Variants in PAK3 observed in about 807,000 individuals in gnomAD.
PAK3 encodes p21 (RAC1) activated kinase 3.
A neutral mutation model predicts 41.0 loss-of-function variants in PAK3; 4 were observed. That is an observed-to-expected ratio of 0.10 (90% CI 0.05 to 0.22). The LOEUF (loss-of-function observed/expected upper bound fraction) is 0.22. PAK3 is among the 10% of genes least tolerant of loss of function. The pLI is 1.00. For missense variants in PAK3, 205 were observed against 409.9 expected (o/e 0.50, Z 4.32); for synonymous variants, 146 against 139.6 (o/e 1.05, Z -0.32).
chrX:110,958,503 T>C (rs2090912264), intron 1 of PAK3, among the ~76,000 whole-genome samples: 1 of 111,122 alleles, frequency 9.0e-6, no homozygotes, highest in African/African-American at 3.3e-5. Context: ...GGAGGGCAAA[T>C]GCAGCATGTG....
intron 1 of PAK3, among the ~76,000 whole-genome samples, chrX:110,996,130 G>A (rs1019737784): frequency 8.9e-6 from 1 of 112,046 alleles, no homozygotes; most frequent in East Asian, 2.8e-4. Flanking sequence ...TTCTGAGAAT[G>A]GAACTCAGCT....
chrX:111,081,004 C>A (rs2092830096), intron 1 of PAK3, among the ~76,000 whole-genome samples: 1 of 111,499 alleles, frequency 9.0e-6, no homozygotes, highest in Admixed American at 9.5e-5. Context: ...GCTACATGAT[C>A]TCACTTATAT....
chrX:111,181,014 G>A (rs2094456444), intron 11 of PAK3, among the ~76,000 whole-genome samples: 1 of 111,639 alleles, frequency 9.0e-6, no homozygotes, highest in Non-Finnish European at 1.9e-5. Context: ...CATCAATAAT[G>A]TATGAGAGTG....
intron 1 of PAK3, among the ~76,000 whole-genome samples, chrX:110,991,883 A>G (rs776993137): frequency 8.9e-6 from 1 of 112,135 alleles, no homozygotes; most frequent in Admixed American, 9.5e-5. Context: ...ATGACAAGAA[A>G]AAAAAACACA....
At chrX:111,099,619 A>G (rs1245089362) in intron 3 of PAK3, among the ~76,000 whole-genome samples, 5 of 106,881 alleles carry the variant, frequency 4.7e-5, no homozygotes, top group Non-Finnish European at 9.7e-5. Flanking sequence ...GAATTTGGAG[A>G]GTGAAGTTTT....
At chrX:111,176,698 G>C (rs906302928) in intron 11 of PAK3, among the ~76,000 whole-genome samples, 8 of 109,155 alleles carry the variant, frequency 7.3e-5, no homozygotes, top group African/African-American at 2.7e-4. Flanking sequence ...TTATTCTCTG[G>C]GTATTTGTGT....
intron 1 of PAK3, among the ~76,000 whole-genome samples, chrX:111,004,128 T>C (rs2091888725): frequency 8.9e-6 from 1 of 112,332 alleles, no homozygotes; most frequent in Non-Finnish European, 1.9e-5. Context: ...AGGAAATTTG[T>C]TTGGAGCACT....
chrX:111,139,672 C>T (rs908863235), intron 5 of PAK3, among the ~76,000 whole-genome samples: 1 of 112,002 alleles, frequency 8.9e-6, no homozygotes, highest in Non-Finnish European at 1.9e-5. Flanking sequence ...AGTCTGGTGG[C>T]CTTCTAGGAA....
intron 16 of PAK3, among the ~76,000 whole-genome samples, chrX:111,208,888 C>T (rs2094786298): frequency 9.0e-6 from 1 of 110,713 alleles, no homozygotes; most frequent in Non-Finnish European, 1.9e-5. Flanking sequence ...ATGTTGGTAT[C>T]TAAAGGGGTT....
chrX:111,054,064 T>G (rs143033716), intron 1 of PAK3, among the ~76,000 whole-genome samples: 1 of 111,825 alleles, frequency 8.9e-6, no homozygotes, highest in Non-Finnish European at 1.9e-5. Context: ...GAGCTCTCAG[T>G]GGACTCTCCA....
chrX:111,023,788 T>C (rs2092228654), intron 1 of PAK3, among the ~76,000 whole-genome samples: 1 of 112,148 alleles, frequency 8.9e-6, no homozygotes, highest in Non-Finnish European at 1.9e-5. Context: ...AGATTCTGGA[T>C]ATTAGCCCTT....
At chrX:110,994,019 C>T (rs762748163) in intron 1 of PAK3, among the ~76,000 whole-genome samples, 1 of 112,210 alleles carries the variant, frequency 8.9e-6, no homozygotes, top group Non-Finnish European at 1.9e-5. Context: ...ACAGTTTTAG[C>T]TCCTTCTTTT....
chrX:111,014,155 C>G (rs1489003086), intron 1 of PAK3, among the ~76,000 whole-genome samples: 2 of 111,970 alleles, frequency 1.8e-5, no homozygotes, highest in Non-Finnish European at 3.8e-5. Context: ...ATCTTTTCCT[C>G]CAGTCTACAC....
intron 1 of PAK3, among the ~76,000 whole-genome samples, chrX:110,982,571 C>T (rs370048189): frequency 6.2e-5 from 7 of 112,022 alleles, no homozygotes; most frequent in Admixed American, 1.9e-4. Context: ...AGCCTTCTCC[C>T]GAAAAGAACC....
intron 11 of PAK3, among the ~76,000 whole-genome samples, chrX:111,185,556 C>G (rs2094501637): frequency 9.0e-6 from 1 of 111,308 alleles, no homozygotes; most frequent in African/African-American, 3.3e-5. Context: ...TTTAATCCAT[C>G]TTGAGTTAAT....
At chrX:111,138,198 C>T (rs1471418216) in intron 5 of PAK3, among the ~76,000 whole-genome samples, 1 of 110,028 alleles carries the variant, frequency 9.1e-6, no homozygotes, top group Non-Finnish European at 1.9e-5. Flanking sequence ...CCAATGAGTC[C>T]CACTTATCTA....
chrX:111,014,690 A>C (rs981678078), intron 1 of PAK3, among the ~76,000 whole-genome samples: 1 of 111,352 alleles, frequency 9.0e-6, no homozygotes, highest in Non-Finnish European at 1.9e-5. Context: ...TTACCTTTGC[A>C]CTGCTAAGCC....
intron 6 of PAK3, among the ~76,000 whole-genome samples, chrX:111,146,316 C>T (rs923669098): frequency 2.7e-5 from 3 of 111,357 alleles, no homozygotes; most frequent in Non-Finnish European, 3.8e-5. Flanking sequence ...TTTGAAGCAT[C>T]GTCGTTCTCT....
At chrX:111,210,025 T>C (rs1294810636) in intron 16 of PAK3, among the ~76,000 whole-genome samples, 7 of 112,201 alleles carry the variant, frequency 6.2e-5, no homozygotes, top group African/African-American at 1.9e-4. Flanking sequence ...CTTTGATGTT[T>C]GTGTGTTATT....
Sources: gnomAD v4.1 joint callset for allele counts (sites outside exome capture counted in the v4.1 genomes callset) on GRCh38, gnomAD v4.1.1 for gene constraint, MANE v1.5 for transcripts, NCBI Gene and HGNC (gene_info 2026-07-23, HGNC 2026-07-21) for gene names.